Variants in ITPR1 observed in about 807,000 individuals in gnomAD.
The protein encoded by ITPR1 is inositol 1,4,5-trisphosphate-gated calcium channel ITPR1.
Under a neutral mutation model 318.4 loss-of-function variants are expected in ITPR1, and 96 were observed. The observed-to-expected ratio is 0.30, with a 90% CI of 0.26 to 0.36. The LOEUF (loss-of-function observed/expected upper bound fraction) is 0.36. ITPR1 is among the 10% of genes least tolerant of loss of function. The pLI, the probability that ITPR1 is intolerant of heterozygous loss-of-function variation, is 1.00. For missense variants in ITPR1, 2,440 were observed against 3,460.2 expected (o/e 0.71, Z 7.40); for synonymous variants, 1,312 against 1,289.9 (o/e 1.02, Z -0.37).
chr3:4,614,424 T>C (rs1346885488), intron 4 of ITPR1, among the ~76,000 whole-genome samples: 1 of 152,238 alleles, frequency 6.6e-6, no homozygotes, highest in Non-Finnish European at 1.5e-5. Context: ...ATTGAATGTT[T>C]ACTCTGTGCC....
At chr3:4,638,970 A>G (rs2093272120) in intron 5 of ITPR1, among the ~76,000 whole-genome samples, 1 of 152,110 alleles carries the variant, frequency 6.6e-6, no homozygotes, top group African/African-American at 2.4e-5. Context: ...AGTTCACAAA[A>G]CCACAAACCA....
chr3:4,535,103 A>T (rs1417534267), intron 4 of ITPR1, among the ~76,000 whole-genome samples: 1 of 151,582 alleles, frequency 6.6e-6, no homozygotes, highest in Non-Finnish European at 1.5e-5. Flanking sequence ...ATACAAGGAT[A>T]TAAAAGCCCA....
chr3:4,645,540 TAA>T (rs2093434778), intron 9 of ITPR1, 40 bp from the exon 10 acceptor site: 1 of 1,608,900 alleles, frequency 6.2e-7, no homozygotes, highest in Admixed American at 1.7e-5. Context: ...ATTCTCTTTT[TAA>T]ATTCTTTTTT....
intron 5 of ITPR1, among the ~76,000 whole-genome samples, chr3:4,635,533 G>A (rs1032790660): frequency 7.9e-5 from 12 of 151,768 alleles, no homozygotes; most frequent in Non-Finnish European, 1.5e-4. Flanking sequence ...TTTTAGTAGA[G>A]ACGGGGTTTC....
At chr3:4,583,533 C>T (rs1184281930) in intron 4 of ITPR1, among the ~76,000 whole-genome samples, 1 of 152,152 alleles carries the variant, frequency 6.6e-6, no homozygotes, top group Admixed American at 6.5e-5. Flanking sequence ...TTTTCTCTTC[C>T]CCTGTGCAAT....
chr3:4,702,203 T>A (rs907594544), intron 35 of ITPR1, among the ~76,000 whole-genome samples: 2 of 152,240 alleles, frequency 1.3e-5, no homozygotes, highest in Admixed American at 6.5e-5. Context: ...TATACCTTTG[T>A]AGAAAGGAAT....
chr3:4,841,872 G>A (rs1009269004), intron 61 of ITPR1, among the ~76,000 whole-genome samples: 3 of 152,264 alleles, frequency 2.0e-5, no homozygotes, highest in East Asian at 3.9e-4. Context: ...TGTATTCAAG[G>A]GATGGTTTGG....
intron 61 of ITPR1, among the ~76,000 whole-genome samples, chr3:4,844,311 A>G (rs1257065454): frequency 2.0e-5 from 3 of 151,602 alleles, no homozygotes; most frequent in Non-Finnish European, 2.9e-5. Context: ...TTTGGTAGAG[A>G]TGGGGTTTTG....
chr3:4,597,055 T>C (rs940676644), intron 4 of ITPR1, among the ~76,000 whole-genome samples: 1 of 152,264 alleles, frequency 6.6e-6, no homozygotes, highest in African/African-American at 2.4e-5. Context: ...CTATGTGGCC[T>C]GTCTGAAGGG....
At chr3:4,733,033 C>A (rs2043034771) in intron 42 of ITPR1, 55 bp from the exon 43 acceptor site, 3 of 1,565,248 alleles carry the variant, frequency 1.9e-6, no homozygotes, top group Non-Finnish European at 2.6e-6. Flanking sequence ...GAATATTCGT[C>A]CCTCGGTGAT....
intron 4 of ITPR1, among the ~76,000 whole-genome samples, chr3:4,624,161 T>A (rs2092738399): frequency 6.6e-6 from 1 of 152,190 alleles, no homozygotes; most frequent in Admixed American, 6.5e-5. Flanking sequence ...GCATACCACT[T>A]AGTGTCATCA....
At chr3:4,641,148 C>T (rs2093328357) in intron 6 of ITPR1, among the ~76,000 whole-genome samples, 1 of 152,166 alleles carries the variant, frequency 6.6e-6, no homozygotes, top group Non-Finnish European at 1.5e-5. Flanking sequence ...AGGGATTGGG[C>T]AGTCTTTCGT....
intron 56 of ITPR1, among the ~76,000 whole-genome samples, chr3:4,811,830 G>A (rs926573131): frequency 6.6e-6 from 1 of 152,184 alleles, no homozygotes; most frequent in Non-Finnish European, 1.5e-5. Flanking sequence ...GACTGTGCAC[G>A]TAGAAACAGA....
chr3:4,566,683 TA>T (rs1055202077), intron 4 of ITPR1, among the ~76,000 whole-genome samples: 6 of 151,350 alleles, frequency 4.0e-5, no homozygotes, highest in Non-Finnish European at 8.8e-5. Flanking sequence ...CCCAGGTTCC[TA>T]ACCTCCTGAA....
intron 5 of ITPR1, among the ~76,000 whole-genome samples, chr3:4,631,376 A>G (rs1386527415): frequency 6.6e-6 from 1 of 152,162 alleles, no homozygotes; most frequent in African/African-American, 2.4e-5. Flanking sequence ...CATTGTTAGT[A>G]TACCTGAGTA....
chr3:4,801,795 AT>A (rs1343200236), intron 54 of ITPR1, among the ~76,000 whole-genome samples: 4 of 152,070 alleles, frequency 2.6e-5, no homozygotes, highest in Admixed American at 1.3e-4. Flanking sequence ...TAAATAAATA[AT>A]TTTTAAAAAA....
At chr3:4,628,774 C>A (rs1164517531) in intron 5 of ITPR1, among the ~76,000 whole-genome samples, 1 of 152,182 alleles carries the variant, frequency 6.6e-6, no homozygotes, top group African/African-American at 2.4e-5. Context: ...TGGGCACTTA[C>A]CAGGCACTCC....
intron 49 of ITPR1, among the ~76,000 whole-genome samples, chr3:4,781,400 A>G (rs758890804): frequency 5.9e-5 from 9 of 152,202 alleles, no homozygotes; most frequent in Admixed American, 1.3e-4. Context: ...GCCACACCCT[A>G]CATTGTCCTG....
intron 4 of ITPR1, among the ~76,000 whole-genome samples, chr3:4,626,509 G>T (rs2092832424): frequency 6.6e-6 from 1 of 152,006 alleles, no homozygotes; most frequent in Non-Finnish European, 1.5e-5. Flanking sequence ...GGAAGGGTTG[G>T]TTCTGCCTTT....
Sources: gnomAD v4.1 joint callset for allele counts (sites outside exome capture counted in the v4.1 genomes callset) on GRCh38, gnomAD v4.1.1 for gene constraint, MANE v1.5 for transcripts, NCBI Gene and HGNC (gene_info 2026-07-23, HGNC 2026-07-21) for gene names.